TTLL5: variants seen among roughly 807,000 people sequenced by gnomAD.
TTLL5 encodes tubulin polyglutamylase TTLL5.
A neutral mutation model predicts 168.4 loss-of-function variants in TTLL5; 132 were observed. The observed-to-expected ratio is 0.78, with a 90% CI of 0.68 to 0.91. The LOEUF is 0.91. Among genes scored for constraint, TTLL5 ranks in the 40% least tolerant of loss-of-function variants. TTLL5 has a pLI of 0.00. For missense variants in TTLL5, 1,545 were observed against 1,581.5 expected, an observed-to-expected ratio of 0.98 and a Z score of 0.39; for synonymous variants, 546 against 558.6, an observed-to-expected ratio of 0.98 and a Z score of 0.32.
intron 14 of TTLL5, among the ~76,000 whole-genome samples, chr14:75,734,901 G>A (rs1035613): frequency 0.77 from 117,667 of 152,202 alleles, 45,735 homozygotes; most frequent in Admixed American, 0.81. Context: ...GGTAATTTGC[G>A]GTTACTCTTA....
chr14:75,728,446 TTGGGAGG>T (rs1888327236), intron 12 of TTLL5, among the ~76,000 whole-genome samples: 2 of 151,972 alleles, frequency 1.3e-5, no homozygotes, highest in African/African-American at 4.8e-5. Flanking sequence ...TATCTTGTAT[TTGGGAGG>T]TGGTAAGAGA....
At chr14:75,827,636 T>C (rs1244984916) in intron 28 of TTLL5, among the ~76,000 whole-genome samples, 2 of 150,552 alleles carry the variant, frequency 1.3e-5, no homozygotes, top group Non-Finnish European at 3.0e-5. Context: ...ATGGTTTTCA[T>C]GAATTATCAA....
At chr14:75,666,031 T>C (rs1012211282) in intron 2 of TTLL5, among the ~76,000 whole-genome samples, 8 of 152,260 alleles carry the variant, frequency 5.3e-5, no homozygotes, top group Non-Finnish European at 1.0e-4. Flanking sequence ...TATGGACCAC[T>C]TCCTCCTTTT....
At chr14:75,836,448 A>G (rs905370261) in intron 28 of TTLL5, among the ~76,000 whole-genome samples, 6 of 142,488 alleles carry the variant, frequency 4.2e-5, no homozygotes, top group African/African-American at 1.5e-4. Context: ...TAATGGATAC[A>G]AAAAAAAAAT....
intron 31 of TTLL5, among the ~76,000 whole-genome samples, chr14:75,943,145 G>A (rs1045343833): frequency 1.3e-5 from 2 of 152,094 alleles, no homozygotes; most frequent in African/African-American, 4.8e-5. Flanking sequence ...GGCAGTGAGG[G>A]AAAAATGCAG....
chr14:75,903,759 G>A (rs908134602), intron 31 of TTLL5, among the ~76,000 whole-genome samples: 6 of 151,924 alleles, frequency 3.9e-5, no homozygotes, highest in African/African-American at 1.2e-4. Context: ...GCCAGGTGTG[G>A]TGTGACATGC....
At chr14:75,676,837 T>C (rs1419949186) in intron 3 of TTLL5, among the ~76,000 whole-genome samples, 3 of 151,758 alleles carry the variant, frequency 2.0e-5, no homozygotes. Context: ...GTGGCATGAT[T>C]ACAACTCACT....
intron 3 of TTLL5, among the ~76,000 whole-genome samples, chr14:75,678,557 C>T (rs972535316): frequency 1.2e-4 from 18 of 152,188 alleles, no homozygotes; most frequent in African/African-American, 3.9e-4. Context: ...GTCTACTGTA[C>T]AGCCATTTCC....
intron 31 of TTLL5, among the ~76,000 whole-genome samples, chr14:75,920,531 GA>G (rs2033789691): frequency 6.6e-6 from 1 of 152,172 alleles, no homozygotes; most frequent in Admixed American, 6.5e-5. Flanking sequence ...AGTTTGCTGA[GA>G]ATGATGATTT....
intron 13 of TTLL5, 51 bp downstream of exon 13, chr14:75,732,470 A>C (rs1422234957): frequency 7.9e-6 from 12 of 1,509,668 alleles, no homozygotes; most frequent in Non-Finnish European, 1.1e-5. Context: ...GTAGTACTTA[A>C]AGCACTTTTT....
chr14:75,719,673 A>G (rs1446235922), intron 10 of TTLL5, 62 bp from the exon 11 acceptor site: 2 of 1,375,772 alleles, frequency 1.5e-6, no homozygotes, highest in East Asian at 2.6e-5. Context: ...ATTTGCAAAG[A>G]GTCTTGTTAT....
intron 31 of TTLL5, among the ~76,000 whole-genome samples, chr14:75,906,074 C>T (rs2033135202): frequency 1.3e-5 from 2 of 152,188 alleles, no homozygotes; most frequent in Admixed American, 1.3e-4. Context: ...ATCAGTGTGA[C>T]TCTGACTGCC....
At chr14:75,736,189 T>C (rs1002930148) in intron 15 of TTLL5, among the ~76,000 whole-genome samples, 1 of 152,154 alleles carries the variant, frequency 6.6e-6, no homozygotes, top group Admixed American at 6.5e-5. Flanking sequence ...CATAAGCAGC[T>C]TTTTCTTCCT....
chr14:75,717,935 T>G lies in TTLL5; in HGVS notation c.815T>G (p.Val272Gly), dbSNP rs1164613605. Residue 272 changes from valine to glycine, a missense_variant, in exon 10 of 32, where the codon GTC becomes GGC. Physicochemically the swap from Val to Gly is moderately radical, Grantham distance 109. Coordinates refer to ENST00000298832, the MANE Select transcript of TTLL5 (RefSeq NM_015072.5). Reference protein sequence around the residue: ...NQFMHLTNYSVNKKSGDYVSC... With the variant: ...NQFMHLTNYSGNKKSGDYVSC... ...TTCATGCATCTGACAAACTACAGTG[T>G]CAACAAGAAAAGTGGAGATTACGTC... 1 of 1,613,726 alleles carries G rather than the reference T, an allele frequency of 6.2e-7. No individual in the cohort carries two copies. The highest frequency in any genetic ancestry group is 1.3e-5 in the African/African-American group (1 of 75,026).
rs148206300 is a variant in TTLL5 at position 75,703,889 on chromosome 14, A to G, written c.586-3129A>G. On this transcript the variant is annotated intron_variant, in intron 7 of 31. Coordinates refer to ENST00000298832, the MANE Select transcript of TTLL5 (RefSeq NM_015072.5). ...TGAGAAATTCTCCTAATTATTATGT[A>G]TCTCCAATTTTCATAATAGTACCAC... Among the ~76,000 whole-genome samples, 6 of 152,256 alleles carry G rather than the reference A, an allele frequency of 3.9e-5. No individual in the cohort carries two copies. The South Asian group carries it at 1.2e-3, about 32-fold the overall frequency.
At chr14:75,753,063 C>A in intron 18 of TTLL5, 108 bp downstream of exon 18, 1 of 1,112,404 alleles carries the variant, frequency 9.0e-7, no homozygotes, top group Non-Finnish European at 1.3e-6. Context: ...AAAATCTCTG[C>A]TAGAAAAAAA....
chr14:75,722,518 A>G (rs924718189), intron 12 of TTLL5, among the ~76,000 whole-genome samples: 2 of 152,136 alleles, frequency 1.3e-5, no homozygotes, highest in Admixed American at 6.5e-5. Flanking sequence ...TTTTGTTTAT[A>G]CATACACTCA....
intron 27 of TTLL5, among the ~76,000 whole-genome samples, chr14:75,817,136 C>T (rs1386575794): frequency 2.0e-5 from 3 of 151,862 alleles, no homozygotes; most frequent in Non-Finnish European, 2.9e-5. Flanking sequence ...CACACCACCA[C>T]GCCCAGCTAA....
intron 31 of TTLL5, among the ~76,000 whole-genome samples, chr14:75,909,843 G>A (rs2033298374): frequency 6.6e-6 from 1 of 152,198 alleles, no homozygotes; most frequent in South Asian, 2.1e-4. Flanking sequence ...CCTCTACATG[G>A]CAGAATCACC....
Sources: allele counts gnomAD v4.1 joint callset (sites outside exome capture counted in the v4.1 genomes callset), GRCh38; gene constraint gnomAD v4.1.1; transcripts MANE v1.5; gene names NCBI Gene and HGNC (gene_info 2026-07-23, HGNC 2026-07-21).